The following ST6GALNAC5 variants were observed in gnomAD, a reference collection of about 807,000 sequenced individuals.
ST6GALNAC5 encodes the protein alpha-N-acetylgalactosaminide alpha-2,6-sialyltransferase 5.
ST6GALNAC5 carries 27 observed loss-of-function variants against 33.6 expected under a neutral mutation model. The observed-to-expected ratio is 0.80, with a 90% confidence interval of 0.59 to 1.11. The LOEUF (loss-of-function observed/expected upper bound fraction) is 1.11. Among genes scored for constraint, ST6GALNAC5 ranks in the 50% least tolerant of loss-of-function variants. The pLI, the probability that ST6GALNAC5 is intolerant of heterozygous loss-of-function variation, is 0.00. For missense variants in ST6GALNAC5, 428 were observed against 454.0 expected (o/e 0.94, Z 0.52); for synonymous variants, 194 against 171.2 (o/e 1.13, Z -1.04).
chr1:76,932,723 C>T (rs1399400592), intron 2 of ST6GALNAC5, among the ~76,000 whole-genome samples: 2 of 152,112 alleles, frequency 1.3e-5, no homozygotes, highest in African/African-American at 4.8e-5. Flanking sequence ...GTTGCCAAGG[C>T]CATCCCTCTT....
intron 2 of ST6GALNAC5, among the ~76,000 whole-genome samples, chr1:76,894,570 C>T (rs1457226002): frequency 6.6e-6 from 1 of 152,158 alleles, no homozygotes; most frequent in Admixed American, 6.5e-5. Flanking sequence ...CCACTTGTAA[C>T]TCAGCAATTG....
intron 2 of ST6GALNAC5, among the ~76,000 whole-genome samples, chr1:76,982,244 G>A (rs536609871): frequency 7.2e-5 from 11 of 152,260 alleles, no homozygotes; most frequent in African/African-American, 1.9e-4. Flanking sequence ...CAAACCCATC[G>A]CAAGGAAGCT....
intron 2 of ST6GALNAC5, among the ~76,000 whole-genome samples, chr1:76,905,697 C>A (rs557842115): frequency 6.6e-6 from 1 of 152,288 alleles, no homozygotes; most frequent in African/African-American, 2.4e-5. Context: ...AAAGACAAAA[C>A]TTCTGTATTG....
intron 2 of ST6GALNAC5, among the ~76,000 whole-genome samples, chr1:77,032,128 G>A (rs1344329645): frequency 6.6e-6 from 1 of 152,144 alleles, no homozygotes; most frequent in African/African-American, 2.4e-5. Context: ...TACAATTGAG[G>A]AGACTTGGGT....
chr1:77,014,804 G>A (rs1489232584), intron 2 of ST6GALNAC5, among the ~76,000 whole-genome samples: 2 of 152,268 alleles, frequency 1.3e-5, no homozygotes, highest in East Asian at 3.9e-4. Context: ...GGAATTTTCT[G>A]GGAAATGTGG....
intron 2 of ST6GALNAC5, among the ~76,000 whole-genome samples, chr1:76,961,269 T>C (rs1421658481): frequency 6.6e-6 from 1 of 152,236 alleles, no homozygotes; most frequent in East Asian, 1.9e-4. Context: ...AGAGGCTAGA[T>C]TATGGATCCA....
chr1:76,944,436 A>C (rs1436769335), intron 2 of ST6GALNAC5, among the ~76,000 whole-genome samples: 1 of 152,098 alleles, frequency 6.6e-6, no homozygotes, highest in African/African-American at 2.4e-5. Context: ...TTAGGGTACC[A>C]AGAATAAATT....
intron 2 of ST6GALNAC5, among the ~76,000 whole-genome samples, chr1:76,899,684 A>T (rs780576267): frequency 2.0e-5 from 3 of 152,188 alleles, no homozygotes; most frequent in Middle Eastern, 3.2e-3. Flanking sequence ...CACAGATAAA[A>T]GTGTCTCCTT....
At chr1:76,885,627 A>G (rs1274035582) in intron 2 of ST6GALNAC5, among the ~76,000 whole-genome samples, 1 of 152,196 alleles carries the variant, frequency 6.6e-6, no homozygotes, top group Non-Finnish European at 1.5e-5. Context: ...ACCAAAATCT[A>G]TTTCAATTAG....
At chr1:77,025,392 G>C (rs434497) in intron 2 of ST6GALNAC5, among the ~76,000 whole-genome samples, 1 of 151,616 alleles carries the variant, frequency 6.6e-6, no homozygotes, top group South Asian at 2.1e-4. Context: ...AATTAGCCAG[G>C]TGTGGTGGCA....
At position 76,905,127 on chromosome 1, in the gene ST6GALNAC5, A is replaced by G. The variant is rs1443760468; in HGVS notation, c.261+36385A>G. 3.9e-5 allele frequency among the ~76,000 whole-genome samples: 6 copies of G among 152,212 alleles called. No homozygotes were observed. In the East Asian group the frequency reaches 5.8e-4, roughly 15 times the overall value. On this transcript the variant is annotated intron_variant, in intron 2 of 4. Coordinates refer to ENST00000477717, the MANE Select transcript of ST6GALNAC5 (RefSeq NM_030965.3). ...GATTGTGACAAAAGCGAAATTAAAA[A>G]GAAACTAAATACCCTTGTTGTTGTT...
chr1:76,907,499 A>T (rs1557717956), intron 2 of ST6GALNAC5, among the ~76,000 whole-genome samples: 1 of 152,194 alleles, frequency 6.6e-6, no homozygotes, highest in Non-Finnish European at 1.5e-5. Context: ...TAGAACAGAC[A>T]TTTAGTCAGT....
intron 2 of ST6GALNAC5, among the ~76,000 whole-genome samples, chr1:76,886,081 G>A (rs1466239568): frequency 6.6e-6 from 1 of 151,922 alleles, no homozygotes; most frequent in Non-Finnish European, 1.5e-5. Flanking sequence ...GCAATTTCCT[G>A]TCCATAAATG....
intron 2 of ST6GALNAC5, among the ~76,000 whole-genome samples, chr1:76,957,780 C>T (rs572858657): frequency 6.6e-5 from 10 of 152,070 alleles, no homozygotes; most frequent in South Asian, 2.1e-4. Context: ...CCATAATATC[C>T]GATATAGAGA....
intron 2 of ST6GALNAC5, among the ~76,000 whole-genome samples, chr1:77,033,893 G>T (rs796103777): frequency 5.9e-5 from 9 of 152,262 alleles, no homozygotes; most frequent in African/African-American, 1.9e-4. Flanking sequence ...ATAAGCAGGG[G>T]AAGGGAGTGG....
chr1:76,879,549 C>A (rs1480222864), intron 2 of ST6GALNAC5, among the ~76,000 whole-genome samples: 1 of 152,186 alleles, frequency 6.6e-6, no homozygotes, highest in Admixed American at 6.5e-5. Context: ...TCTAGGGGTC[C>A]ACTGGGACTT....
At chr1:76,962,794 GA>G (rs1648293256) in intron 2 of ST6GALNAC5, among the ~76,000 whole-genome samples, 1 of 152,094 alleles carries the variant, frequency 6.6e-6, no homozygotes, top group African/African-American at 2.4e-5. Context: ...ATTTTAATCA[GA>G]TTTTTTCATA....
intron 2 of ST6GALNAC5, among the ~76,000 whole-genome samples, chr1:76,922,566 G>T (rs1018427362): frequency 6.6e-6 from 1 of 152,138 alleles, no homozygotes; most frequent in Non-Finnish European, 1.5e-5. Flanking sequence ...GAAACAAAGT[G>T]AGACTATTCA....
chr1:76,896,534 C>T (rs981647408), intron 2 of ST6GALNAC5, among the ~76,000 whole-genome samples: 1 of 151,994 alleles, frequency 6.6e-6, no homozygotes, highest in African/African-American at 2.4e-5. Flanking sequence ...GTGGAACTGC[C>T]ATCAATAAAT....
Sources: allele counts gnomAD v4.1 joint callset (sites outside exome capture counted in the v4.1 genomes callset), GRCh38; gene constraint gnomAD v4.1.1; transcripts MANE v1.5; gene names NCBI Gene and HGNC (gene_info 2026-07-23, HGNC 2026-07-21).